Variants in SV2C observed in about 807,000 individuals in gnomAD.
SV2C encodes synaptic vesicle glycoprotein 2C, also known as solute carrier family 22 member B3.
In SV2C, 49 loss-of-function variants were observed where a neutral mutation model predicts 79.7. That is an observed-to-expected ratio of 0.61 (90% CI 0.49 to 0.78). The LOEUF (loss-of-function observed/expected upper bound fraction) is 0.78, where lower values mean the gene tolerates loss of function less well. SV2C is among the 30% of genes least tolerant of loss of function. The pLI is 0.00. For missense variants in SV2C, 833 were observed against 912.9 expected (o/e 0.91, Z 1.13); for synonymous variants, 334 against 333.2 (o/e 1.00, Z -0.03).
At chr5:76,233,397 T>G (rs1239143695) in intron 4 of SV2C, among the ~76,000 whole-genome samples, 13 of 140,238 alleles carry the variant, frequency 9.3e-5, no homozygotes, top group African/African-American at 3.8e-4. Context: ...AGGGACAATT[T>G]GACTTCCTCT....
At chr5:76,005,436 C>T in the SV2C span, among the ~76,000 whole-genome samples, 1 of 152,162 alleles carries the variant, frequency 6.6e-6, no homozygotes, top group African/African-American at 2.4e-5. Flanking sequence ...TGTTTCTGCT[C>T]TATATACCCT....
At chr5:75,880,811 C>T in the SV2C span, among the ~76,000 whole-genome samples, 1 of 152,252 alleles carries the variant, frequency 6.6e-6, no homozygotes, top group East Asian at 1.9e-4. Context: ...TTCTCAGTAC[C>T]AATTTTCTGT....
chr5:75,932,050 C>T, the SV2C span, among the ~76,000 whole-genome samples: 1 of 152,170 alleles, frequency 6.6e-6, no homozygotes, highest in African/African-American at 2.4e-5. Flanking sequence ...TGAAGGCTTC[C>T]CACGGCATTT....
At chr5:75,865,236 G>A in the SV2C span, among the ~76,000 whole-genome samples, 2 of 152,210 alleles carry the variant, frequency 1.3e-5, no homozygotes, top group Non-Finnish European at 2.9e-5. Context: ...AAGGCTGGCA[G>A]CATTCAAAAG....
chr5:75,939,450 C>A, the SV2C span, among the ~76,000 whole-genome samples: 1 of 152,044 alleles, frequency 6.6e-6, no homozygotes, highest in Admixed American at 6.6e-5. Flanking sequence ...ATCCTTAGGA[C>A]CTAATCTAAA....
intron 2 of SV2C, among the ~76,000 whole-genome samples, chr5:76,180,442 A>G (rs1743685007): frequency 6.6e-6 from 1 of 152,196 alleles, no homozygotes; most frequent in South Asian, 2.1e-4. Context: ...GCCCTTTGCT[A>G]TAGTCTATTA....
At chr5:76,102,577 GC>G (rs1369389611) in intron 1 of SV2C, among the ~76,000 whole-genome samples, 1 of 152,200 alleles carries the variant, frequency 6.6e-6, no homozygotes, top group East Asian at 1.9e-4. Context: ...GAATGAATCA[GC>G]ATTTTAGAAA....
At chr5:76,048,137 T>A in the SV2C span, among the ~76,000 whole-genome samples, 1 of 152,170 alleles carries the variant, frequency 6.6e-6, no homozygotes, top group Non-Finnish European at 1.5e-5. Flanking sequence ...TGATTGAATT[T>A]TTTTGAGAAC....
intron 4 of SV2C, among the ~76,000 whole-genome samples, chr5:76,270,889 C>A (rs957885075): frequency 6.6e-6 from 1 of 151,964 alleles, no homozygotes; most frequent in African/African-American, 2.4e-5. Flanking sequence ...CTGCCTCAGC[C>A]TCCCTAGTAG....
chr5:76,060,691 T>C, the SV2C span, among the ~76,000 whole-genome samples: 14 of 152,226 alleles, frequency 9.2e-5, no homozygotes, highest in African/African-American at 3.4e-4. Flanking sequence ...AAGGCTGCTT[T>C]GCTTTCTTAT....
At chr5:76,186,158 A>AC (rs763869662) in intron 2 of SV2C, among the ~76,000 whole-genome samples, 75 of 152,248 alleles carry the variant, frequency 4.9e-4, no homozygotes, top group Admixed American at 2.0e-4. Flanking sequence ...CCATATCACT[A>AC]CCAGCATTTT....
the SV2C span, among the ~76,000 whole-genome samples, chr5:75,981,909 A>G: frequency 6.6e-6 from 1 of 152,196 alleles, no homozygotes; most frequent in Non-Finnish European, 1.5e-5. Context: ...AGCAAAAGAA[A>G]CTATCAAGAG....
chr5:76,213,767 C>T (rs760641917), intron 4 of SV2C, among the ~76,000 whole-genome samples: 1 of 152,132 alleles, frequency 6.6e-6, no homozygotes, highest in African/African-American at 2.4e-5. Context: ...TTCAAGTATA[C>T]AGTACAGTAC....
chr5:75,952,587 CAGTT>C, the SV2C span, among the ~76,000 whole-genome samples: 1 of 151,882 alleles, frequency 6.6e-6, no homozygotes, highest in Non-Finnish European at 1.5e-5. Flanking sequence ...GGTTCTCACT[CAGTT>C]AGTTCACACA....
the SV2C span, among the ~76,000 whole-genome samples, chr5:75,955,692 T>G: frequency 2.0e-5 from 3 of 147,954 alleles, no homozygotes; most frequent in Non-Finnish European, 3.0e-5. Context: ...CTCAAACAAA[T>G]TTACAAGAAA....
In SV2C at chr5:76,209,797, C is replaced by G; in HGVS notation, c.823C>G (p.Arg275Gly). The change falls in exon 4 of 13, where the codon CGG becomes GGG. Residue 275 changes from arginine to glycine, a missense_variant. Transcript: ENST00000502798. ...YFAEVLAREK[R>G]GEHLSWLCMF... ...TGCTGAAGTCCTGGCCCGGGAAAAG[C>G]GGGGCGAACACTTGAGCTGGCTCTG... 1.9e-6 allele frequency: 3 copies of G among 1,614,174 alleles called. No individual in the cohort carries two copies. The highest frequency in any genetic ancestry group is 2.5e-6 in the Non-Finnish European group (3 of 1,180,032).
At chr5:76,073,516 T>C in the SV2C span, among the ~76,000 whole-genome samples, 1 of 113,498 alleles carries the variant, frequency 8.8e-6, no homozygotes, top group Non-Finnish European at 1.7e-5. Flanking sequence ...TATATATATA[T>C]ATATATATAT....
chr5:76,315,316 TTC>T (rs773721940), intron 12 of SV2C, among the ~76,000 whole-genome samples: 79 of 152,104 alleles, frequency 5.2e-4, no homozygotes, highest in Admixed American at 1.4e-3. Flanking sequence ...AATTCATTTT[TTC>T]TCTCTGAAAA....
At chr5:76,241,732 A>G (rs1463068988) in intron 4 of SV2C, among the ~76,000 whole-genome samples, 4 of 152,116 alleles carry the variant, frequency 2.6e-5, no homozygotes, top group Admixed American at 2.6e-4. Context: ...CAAGGTGGCC[A>G]TGTGTGTCAA....
Sources: gnomAD v4.1 joint callset for allele counts (sites outside exome capture counted in the v4.1 genomes callset) on GRCh38, gnomAD v4.1.1 for gene constraint, MANE v1.5 for transcripts, NCBI Gene and HGNC (gene_info 2026-07-23, HGNC 2026-07-21) for gene names.